The following CFAP53 variants were observed in gnomAD, a reference collection of about 807,000 sequenced individuals.
CFAP53 encodes the protein cilia and flagella associated protein 53.
Under a neutral mutation model 59.7 loss-of-function variants are expected in CFAP53, and 62 were observed. The ratio of observed to expected loss-of-function variants is 1.04; its 90% CI spans 0.85 to 1.28. The LOEUF is 1.28. Among genes scored for constraint, CFAP53 ranks in the 50% most tolerant of loss-of-function variants. CFAP53 has a pLI of 0.00. For synonymous variants in CFAP53, 218 were observed against 205.7 expected (o/e 1.06, Z -0.51); for missense variants, 629 against 615.6 (o/e 1.02, Z -0.23).
chr18:50,261,947 T>C, intron 2 of CFAP53, 43 bp downstream of exon 2: 1 of 1,499,342 alleles, frequency 6.7e-7, no homozygotes, highest in Non-Finnish European at 9.3e-7. Context: ...ATTGTGGTTT[T>C]AGGAATATTT....
intron 7 of CFAP53, 47 bp downstream of exon 7, chr18:50,238,556 A>C (rs748066554): frequency 3.4e-5 from 48 of 1,402,928 alleles, no homozygotes; most frequent in Non-Finnish European, 4.5e-5. Context: ...CTAGCCAAAA[A>C]TCCATTTTTT....
chr18:50,228,835 T>C (rs901339280), intron 7 of CFAP53, among the ~76,000 whole-genome samples: 5 of 151,906 alleles, frequency 3.3e-5, no homozygotes, highest in African/African-American at 1.2e-4. Flanking sequence ...AAAATTTACA[T>C]AGGTCATACA....
chr18:50,260,937 G>T, intron 3 of CFAP53, 127 bp downstream of exon 3: 3 of 854,778 alleles, frequency 3.5e-6, no homozygotes, highest in Non-Finnish European at 5.4e-6. Context: ...GTAATATATT[G>T]CCAAGACTTA....
intron 5 of CFAP53, among the ~76,000 whole-genome samples, chr18:50,247,338 CCCTCATA>C (rs2033754842): frequency 6.6e-6 from 1 of 152,130 alleles, no homozygotes; most frequent in African/African-American, 2.4e-5. Flanking sequence ...TAAATCAAAA[CCCTCATA>C]CACTGCTGGT....
intron 7 of CFAP53, among the ~76,000 whole-genome samples, chr18:50,229,116 A>C (rs1049954084): frequency 6.6e-6 from 1 of 152,032 alleles, no homozygotes; most frequent in African/African-American, 2.4e-5. Flanking sequence ...AACAAACAAA[A>C]CCCACATAAC....
At chr18:50,246,911 G>A (rs374824728) in intron 5 of CFAP53, among the ~76,000 whole-genome samples, 6 of 152,080 alleles carry the variant, frequency 3.9e-5, no homozygotes, top group African/African-American at 1.4e-4. Flanking sequence ...AGCCAGGCGT[G>A]GTGGCAGGCA....
intron 5 of CFAP53, 114 bp downstream of exon 5, chr18:50,250,644 T>C: frequency 1.3e-6 from 1 of 790,170 alleles, no homozygotes; most frequent in Non-Finnish European, 2.1e-6. Flanking sequence ...GCTGTTGGCT[T>C]GTGGACCACA....
rs115570216 is a variant in CFAP53, at chr18:50,265,137, T to C, written c.69+1199A>G. 3.9e-3 allele frequency among the ~76,000 whole-genome samples: 592 copies of C among 152,332 alleles called. 2 individuals carry two copies. The highest frequency in any genetic ancestry group is 0.013 in the African/African-American group (559 of 41,570). On this transcript the variant is annotated intron_variant, in intron 1 of 7. Coordinates refer to ENST00000398545, the MANE Select transcript of CFAP53 (RefSeq NM_145020.5). ...TTAGTGGTTTCATTCTACCTAAGTT[T>C]TTTTTTGCAATTGGATTACAAGTTG...
chr18:50,238,975 C>A (rs942231592), intron 6 of CFAP53, among the ~76,000 whole-genome samples: 6 of 151,518 alleles, frequency 4.0e-5, no homozygotes, highest in South Asian at 2.1e-4. Flanking sequence ...TGTTAAAATA[C>A]TTCCTACTTT....
chr18:50,233,631 T>C (rs2033603072), intron 7 of CFAP53, among the ~76,000 whole-genome samples: 1 of 152,254 alleles, frequency 6.6e-6, no homozygotes, highest in Non-Finnish European at 1.5e-5. Flanking sequence ...CATATTGTCA[T>C]TTTCCTTAAA....
intron 7 of CFAP53, among the ~76,000 whole-genome samples, chr18:50,237,464 C>T (rs991467676): frequency 2.0e-5 from 3 of 148,494 alleles, no homozygotes; most frequent in Non-Finnish European, 4.5e-5. Context: ...GAACTCAGAA[C>T]GGTAGGCCAG....
rs78183651 is a variant in CFAP53, at chr18:50,233,315, A to T, written c.1316+5288T>A. ...TAAATAAATCCAACACCTCCTTTAG[A>T]CCTTACTCTTAAGGCTGACTCTTTT... On this transcript the variant is annotated intron_variant, in intron 7 of 7. Transcript: ENST00000398545. Among the ~76,000 whole-genome samples the T allele has an allele frequency of 9.8e-5, 15 of 152,336 alleles. No homozygotes were observed. The East Asian group carries it at 2.9e-3, about 29-fold the overall frequency.
chr18:50,227,356 A>G lies in CFAP53; in HGVS notation c.*25T>C, dbSNP rs1300903930. 9 of 1,571,792 alleles carry G rather than the reference A, an allele frequency of 5.7e-6. No homozygotes were observed. In the South Asian group the frequency reaches 8.9e-5, roughly 16 times the overall value. ...TAGTTAAAAATATTAAAAGACCAAG[A>G]AAAGATATATTGATGCTCACGGAAC... On this transcript the variant is annotated 3_prime_UTR_variant, in exon 8 of 8. Transcript: ENST00000398545.
At chr18:50,243,205 A>G in intron 5 of CFAP53, 89 bp from the exon 6 acceptor site, 1 of 870,326 alleles carries the variant, frequency 1.1e-6, no homozygotes, top group Admixed American at 2.2e-5. Flanking sequence ...AAAAGCTCCA[A>G]TCCCAATCTT....
intron 7 of CFAP53, among the ~76,000 whole-genome samples, chr18:50,231,026 A>G (rs1397835739): frequency 1.3e-5 from 2 of 152,220 alleles, no homozygotes. Context: ...GCCTTTGTTC[A>G]TGGCCCAGGA....
chr18:50,250,552 C>T (rs372217399), intron 5 of CFAP53, among the ~76,000 whole-genome samples: 1 of 152,138 alleles, frequency 6.6e-6, no homozygotes, highest in African/African-American at 2.4e-5. Flanking sequence ...GATTTCCTGC[C>T]CCTGTCATGA....
intron 3 of CFAP53, among the ~76,000 whole-genome samples, chr18:50,259,597 C>G (rs2033873760): frequency 6.6e-6 from 1 of 151,962 alleles, no homozygotes; most frequent in Non-Finnish European, 1.5e-5. Flanking sequence ...CCATGCCCGG[C>G]TAATTTTTGT....
rs923143326 is a variant in CFAP53 at position 50,266,322 on chromosome 18, T to C, written c.69+14A>G. ...AGAAAGCTGTAGGGTCTGGCAGACA[T>C]ATCCTGTGCTTACCACGATCACCAC... On this transcript the variant is annotated intron_variant, in intron 1 of 7. Coordinates refer to ENST00000398545, the MANE Select transcript of CFAP53 (RefSeq NM_145020.5). The C allele has an allele frequency of 5.0e-6, 8 of 1,613,558 alleles. No homozygotes were observed. Among genetic ancestry groups the C allele is most frequent in the Non-Finnish European group, 5.1e-6 (6 of 1,179,444 alleles).
chr18:50,254,136 TA>T (rs1555672518), intron 3 of CFAP53, among the ~76,000 whole-genome samples: 1 of 141,532 alleles, frequency 7.1e-6, no homozygotes, highest in African/African-American at 2.6e-5. Flanking sequence ...AAAAACCATT[TA>T]AAAAAAAAAG....
Sources: allele counts gnomAD v4.1 joint callset (sites outside exome capture counted in the v4.1 genomes callset), GRCh38; gene constraint gnomAD v4.1.1; transcripts MANE v1.5; gene names NCBI Gene and HGNC (gene_info 2026-07-23, HGNC 2026-07-21).